The following POU2AF3 variants were observed in gnomAD, a reference collection of about 807,000 sequenced individuals.
POU2AF3 encodes POU class 2 homeobox associating factor 3, also known as cancer susceptibility candidate 13.
chr11:111,300,914 G>GTC, the POU2AF3 span, among the ~76,000 whole-genome samples: 2 of 152,208 alleles, frequency 1.3e-5, no homozygotes, highest in African/African-American at 4.8e-5. Flanking sequence ...CGGCCAGCAG[G>GTC]TAAGTATACA....
chr11:111,299,576 C>T, the POU2AF3 span: 3 of 1,214,854 alleles, frequency 2.5e-6, no homozygotes, highest in African/African-American at 1.6e-5. Flanking sequence ...GCCCCGCCAG[C>T]CCCGGGGCGG....
the POU2AF3 span, among the ~76,000 whole-genome samples, chr11:111,304,261 G>A: frequency 1.3e-5 from 2 of 152,074 alleles, no homozygotes; most frequent in African/African-American, 4.8e-5. Flanking sequence ...GTAGCCAGAT[G>A]GTATATGAAA....
At chr11:111,301,360 T>C in the POU2AF3 span, among the ~76,000 whole-genome samples, 1 of 152,194 alleles carries the variant, frequency 6.6e-6, no homozygotes, top group Non-Finnish European at 1.5e-5. Context: ...AGCTCATCCC[T>C]AAAAAGCCTC....
At chr11:111,308,255 T>C in the POU2AF3 span, 1 of 1,551,738 alleles carries the variant, frequency 6.4e-7, no homozygotes, top group Non-Finnish European at 8.7e-7. Context: ...CCAGTACAGC[T>C]GCTTCTCCTC....
At chr11:111,298,954 C>A in the POU2AF3 span, 1 of 1,025,720 alleles carries the variant, frequency 9.7e-7, no homozygotes. Context: ...GCAGAGCGCA[C>A]CGACTGCACT....
chr11:111,298,910 G>C, the POU2AF3 span: 3 of 1,093,654 alleles, frequency 2.7e-6, no homozygotes, highest in Non-Finnish European at 3.3e-6. Context: ...TGCTACGGGG[G>C]GAGCTAGAGG....
the POU2AF3 span, among the ~76,000 whole-genome samples, chr11:111,301,018 C>G: frequency 1.3e-5 from 2 of 152,176 alleles, no homozygotes; most frequent in East Asian, 3.9e-4. Flanking sequence ...GGGGCCCCTT[C>G]CAGGATAGCA....
chr11:111,299,679 A>T, the POU2AF3 span: 1 of 1,231,128 alleles, frequency 8.1e-7, no homozygotes, highest in East Asian at 3.2e-5. Flanking sequence ...CTCGCCCCGG[A>T]GCCTCAGTGC....
At chr11:111,298,732 C>G in the POU2AF3 span, 1 of 1,096,950 alleles carries the variant, frequency 9.1e-7, no homozygotes, top group Middle Eastern at 3.4e-4. Context: ...GGAGAGGACG[C>G]GAGCCACGCT....
chr11:111,305,660 C>T, the POU2AF3 span, among the ~76,000 whole-genome samples: 1 of 152,206 alleles, frequency 6.6e-6, no homozygotes, highest in African/African-American at 2.4e-5. Context: ...TCTCTTCTTC[C>T]AGCATTTACA....
the POU2AF3 span, among the ~76,000 whole-genome samples, chr11:111,307,650 T>G: frequency 6.6e-6 from 1 of 152,228 alleles, no homozygotes; most frequent in East Asian, 1.9e-4. Flanking sequence ...AAGATCCAAG[T>G]TATGCCTTTG....
the POU2AF3 span, chr11:111,307,993 G>GTAGCCTTC: frequency 5.2e-4 from 715 of 1,369,266 alleles, 3 homozygotes; most frequent in African/African-American, 9.4e-3. Flanking sequence ...CTCTGCATTG[G>GTAGCCTTC]TAAACCCACA....
chr11:111,305,105 A>C, the POU2AF3 span: 2 of 508,884 alleles, frequency 3.9e-6, no homozygotes, highest in African/African-American at 4.0e-5. Context: ...CCAACCAATC[A>C]GAAGGTGAAA....
At chr11:111,299,105 G>A in the POU2AF3 span, 1 of 971,392 alleles carries the variant, frequency 1.0e-6, no homozygotes, top group Non-Finnish European at 1.2e-6. Flanking sequence ...CCTGCGGGCG[G>A]GGCACGGGAT....
chr11:111,307,502 G>A, the POU2AF3 span, among the ~76,000 whole-genome samples: 4 of 152,326 alleles, frequency 2.6e-5, no homozygotes, highest in Admixed American at 2.6e-4. Context: ...CAGCCTCCAA[G>A]TTAGGTTTTC....
the POU2AF3 span, among the ~76,000 whole-genome samples, chr11:111,307,889 C>T: frequency 1.3e-5 from 2 of 151,962 alleles, no homozygotes; most frequent in South Asian, 2.1e-4. Context: ...ATTGTGGTGT[C>T]ATGAAATCAT....
At chr11:111,299,410 T>A in the POU2AF3 span, 1 of 1,010,728 alleles carries the variant, frequency 9.9e-7, no homozygotes, top group Non-Finnish European at 1.2e-6. Flanking sequence ...CTCGCCCGGC[T>A]CGGCTTGGCC....
the POU2AF3 span, chr11:111,308,565 A>G: frequency 9.8e-7 from 1 of 1,019,102 alleles, no homozygotes; most frequent in South Asian, 1.8e-5. Flanking sequence ...ACTATTTCCA[A>G]TTTTCTGATG....
the POU2AF3 span, chr11:111,305,088 T>C: frequency 9.1e-5 from 54 of 596,500 alleles, no homozygotes; most frequent in East Asian, 1.8e-3. Context: ...CACCATTTAA[T>C]TGGAATCCAA....
Sources: gnomAD v4.1 joint callset for allele counts (sites outside exome capture counted in the v4.1 genomes callset) on GRCh38, gnomAD v4.1.1 for gene constraint, MANE v1.5 for transcripts, NCBI Gene and HGNC (gene_info 2026-07-23, HGNC 2026-07-21) for gene names.